Variants in SFXN1 observed in about 807,000 individuals in gnomAD.
The protein encoded by SFXN1 is sideroflexin-1.
Under a neutral mutation model 39.5 loss-of-function variants are expected in SFXN1, and 32 were observed. That is an observed-to-expected ratio of 0.81 (90% CI 0.61 to 1.09). The LOEUF is 1.09. Among genes scored for constraint, SFXN1 ranks in the 50% least tolerant of loss-of-function variants. The probability of loss-of-function intolerance (pLI) is 0.00; values close to 1 mark genes in which losing one functional copy is unlikely to be tolerated. For missense variants in SFXN1, 402 were observed against 407.1 expected (o/e 0.99, Z 0.11); for synonymous variants, 136 against 146.5 (o/e 0.93, Z 0.52).
intron 8 of SFXN1, 113 bp from the exon 9 acceptor site, chr5:175,521,806 A>T: frequency 1.2e-6 from 1 of 823,566 alleles, no homozygotes; most frequent in Non-Finnish European, 1.9e-6. Context: ...TTCACTAACC[A>T]TGTTCTATCT....
intron 6 of SFXN1, among the ~76,000 whole-genome samples, chr5:175,513,091 A>G (rs533984393): frequency 1.3e-5 from 2 of 152,250 alleles, no homozygotes; most frequent in East Asian, 3.9e-4. Flanking sequence ...ACCTGAGGTC[A>G]GGAGTTCAAG....
chr5:175,481,979 C>T (rs946612081), intron 1 of SFXN1, among the ~76,000 whole-genome samples: 1 of 152,186 alleles, frequency 6.6e-6, no homozygotes, highest in African/African-American at 2.4e-5. Context: ...TCTTCTCTGG[C>T]CTCCAAGGGT....
In SFXN1 at chr5:175,503,453, A is replaced by G. The variant is rs183238567; in HGVS notation, c.165-5579A>G. Reference sequence around the variant, plus strand: ...TGAACTGGTAGAATTTATTCCGAGAATGAAAAGGTGATTTATATTTAGGAC... The same window carrying G: ...TGAACTGGTAGAATTTATTCCGAGAGTGAAAAGGTGATTTATATTTAGGAC... On this transcript the variant is annotated intron_variant, in intron 2 of 10. Coordinates refer to ENST00000321442, the MANE Select transcript of SFXN1 (RefSeq NM_022754.7). Among the ~76,000 whole-genome samples, 727 of 152,360 alleles carry G rather than the reference A, an allele frequency of 4.8e-3. 5 individuals are homozygous for G. The highest frequency in any genetic ancestry group is 0.017 in the African/African-American group (695 of 41,580).
At chr5:175,492,716 A>T (rs924674995) in intron 2 of SFXN1, among the ~76,000 whole-genome samples, 1 of 152,164 alleles carries the variant, frequency 6.6e-6, no homozygotes, top group East Asian at 1.9e-4. Context: ...AGGAGCTCAG[A>T]TGGGAAGGGT....
intron 1 of SFXN1, among the ~76,000 whole-genome samples, chr5:175,489,878 A>G (rs1759594256): frequency 6.6e-6 from 1 of 151,870 alleles, no homozygotes; most frequent in Admixed American, 6.6e-5. Context: ...CCTTCCCCGC[A>G]CCCTTCTCTA....
Position 175,492,425 on chromosome 5 carries a change from G to A in SFXN1, c.164+158G>A, listed in dbSNP as rs1468904605. 3 of 636,180 alleles carry A rather than the reference G, an allele frequency of 4.7e-6. No homozygotes were observed. The African/African-American group carries it at 5.7e-5, about 12-fold the overall frequency. The allele number at this position is 636,180 out of a possible 1,614,324, so 39.4% of individuals were successfully genotyped here. ...AAGGAAGAAAAGAGTAAAAAGACCT[G>A]TTATATCCCCCATTGCTCGCCCTTA... is the stretch of plus-strand genomic sequence containing the variant. On this transcript the variant is annotated intron_variant, in intron 2 of 10. Coordinates refer to ENST00000321442, the MANE Select transcript of SFXN1 (RefSeq NM_022754.7).
intron 2 of SFXN1, among the ~76,000 whole-genome samples, chr5:175,500,472 CAG>C (rs1057199238): frequency 7.0e-6 from 1 of 142,642 alleles, no homozygotes; most frequent in African/African-American, 2.6e-5. Context: ...GAGAAAAAAA[CAG>C]AGCTTGGGTT....
At chr5:175,517,760 T>C (rs1760755167) in intron 8 of SFXN1, among the ~76,000 whole-genome samples, 1 of 152,122 alleles carries the variant, frequency 6.6e-6, no homozygotes, top group Admixed American at 6.5e-5. Context: ...CACATTCTAT[T>C]GTGAAGGCGG....
rs779820689 is a variant in SFXN1 at position 175,529,398 on chromosome 5, C to T, written c.*2664C>T. ...GAACATGGAGCTGCATCTTTTTAAACGTTGTTTTTTGATGCTTCAGACTCT... is the reference window on the plus strand; with the variant it reads ...GAACATGGAGCTGCATCTTTTTAAATGTTGTTTTTTGATGCTTCAGACTCT... On this transcript the variant is annotated 3_prime_UTR_variant, in exon 11 of 11. Transcript: ENST00000321442. 1 of 150,782 alleles carries T rather than the reference C, an allele frequency of 6.6e-6. No individual in the cohort carries two copies. The highest frequency in any genetic ancestry group is 1.5e-5 in the Non-Finnish European group (1 of 67,800). 9.3% of individuals were successfully genotyped at this position (150,782 alleles called of 1,614,324 possible). A position where few individuals can be genotyped will look rare whatever the true frequency, so the allele number is the denominator to read the frequency against.
At chr5:175,522,257 G>C in intron 9 of SFXN1, 118 bp from the exon 10 acceptor site, 1 of 1,046,338 alleles carries the variant, frequency 9.6e-7, no homozygotes, top group Non-Finnish European at 1.4e-6. Flanking sequence ...ATTTTTGTTA[G>C]ACAACACAGA....
chr5:175,505,086 CAAT>C (rs1322940405), intron 2 of SFXN1, among the ~76,000 whole-genome samples: 2 of 152,028 alleles, frequency 1.3e-5, no homozygotes, highest in Non-Finnish European at 2.9e-5. Context: ...AAATTTGCGT[CAAT>C]GATGAAAACA....
At chr5:175,515,632 C>G (rs1274135886) in intron 7 of SFXN1, among the ~76,000 whole-genome samples, 1 of 152,092 alleles carries the variant, frequency 6.6e-6, no homozygotes, top group Non-Finnish European at 1.5e-5. Context: ...AGCTGAGGCT[C>G]AGAGAAGTTA....
chr5:175,481,103 A>G (rs1340409021), intron 1 of SFXN1, among the ~76,000 whole-genome samples: 1 of 152,194 alleles, frequency 6.6e-6, no homozygotes, highest in Non-Finnish European at 1.5e-5. Flanking sequence ...CATGGATGGT[A>G]AAACTTCATC....
At chr5:175,505,041 A>T (rs1262160372) in intron 2 of SFXN1, among the ~76,000 whole-genome samples, 1 of 152,082 alleles carries the variant, frequency 6.6e-6, no homozygotes, top group African/African-American at 2.4e-5. Context: ...ACAATTTTTT[A>T]AAAATGTAAA....
chr5:175,506,971 T>G (rs1760329771), intron 2 of SFXN1, among the ~76,000 whole-genome samples: 1 of 152,236 alleles, frequency 6.6e-6, no homozygotes, highest in East Asian at 1.9e-4. Context: ...GCCTATTAAT[T>G]TCTTAAGGCT....
At chr5:175,512,488 T>G (rs1193438962) in intron 6 of SFXN1, among the ~76,000 whole-genome samples, 1 of 152,180 alleles carries the variant, frequency 6.6e-6, no homozygotes, top group African/African-American at 2.4e-5. Context: ...AAAAGATATA[T>G]CTCAAGCTTA....
chr5:175,500,499 A>G lies in SFXN1; in HGVS notation c.164+8232A>G, dbSNP rs146450319. On this transcript the variant is annotated intron_variant, in intron 2 of 10. Coordinates refer to ENST00000321442, the MANE Select transcript of SFXN1 (RefSeq NM_022754.7). ...GAGCTTGGGTTTTTTTAAAAACTGG[A>G]GAGATATACAGTGTTCCTGTATTGG... is the stretch of plus-strand genomic sequence containing the variant. Among the ~76,000 whole-genome samples the G allele has an allele frequency of 8.2e-3, 1,248 of 151,860 alleles. 10 individuals are homozygous for G. The highest frequency in any genetic ancestry group is 0.013 in the Non-Finnish European group (911 of 67,954).
chr5:175,503,599 T>C (rs1439122165), intron 2 of SFXN1, among the ~76,000 whole-genome samples: 1 of 152,158 alleles, frequency 6.6e-6, no homozygotes. Context: ...CAGCTAGGCA[T>C]AATGGGTGGT....
intron 1 of SFXN1, among the ~76,000 whole-genome samples, chr5:175,482,469 A>C (rs1759288706): frequency 1.3e-5 from 2 of 152,234 alleles, no homozygotes; most frequent in Admixed American, 1.3e-4. Context: ...AATAAAATTT[A>C]TCTTGGAGAT....
Sources: allele counts gnomAD v4.1 joint callset (sites outside exome capture counted in the v4.1 genomes callset), GRCh38; gene constraint gnomAD v4.1.1; transcripts MANE v1.5; gene names NCBI Gene and HGNC (gene_info 2026-07-23, HGNC 2026-07-21).